TRIM9: variants seen among roughly 807,000 people sequenced by gnomAD.
The protein encoded by TRIM9 is tripartite motif containing 9, also known as E3 ubiquitin-protein ligase TRIM9.
A neutral mutation model predicts 78.3 loss-of-function variants in TRIM9; 26 were observed. That is an observed-to-expected ratio of 0.33 (90% CI 0.24 to 0.46). The LOEUF (loss-of-function observed/expected upper bound fraction) is 0.46. Ranked by LOEUF, TRIM9 falls within the 20% of genes least tolerant of loss-of-function variation. The pLI is 1.00. For missense variants in TRIM9, 787 were observed against 1,036.4 expected, an observed-to-expected ratio of 0.76 and a Z score of 3.30; for synonymous variants, 398 against 416.5, an observed-to-expected ratio of 0.96 and a Z score of 0.54.
At chr14:51,049,232 GT>G (rs1285806469) in intron 1 of TRIM9, among the ~76,000 whole-genome samples, 1 of 151,974 alleles carries the variant, frequency 6.6e-6, no homozygotes, top group Non-Finnish European at 1.5e-5. Flanking sequence ...CGGCTAATTT[GT>G]TTTTGTATTT....
At chr14:51,053,604 T>A (rs1212345418) in intron 1 of TRIM9, among the ~76,000 whole-genome samples, 1 of 146,142 alleles carries the variant, frequency 6.8e-6, no homozygotes, top group Non-Finnish European at 1.5e-5. Context: ...AATTTTTTTT[T>A]TTTTTATTAT....
chr14:51,053,159 C>CA (rs34525509), intron 1 of TRIM9, among the ~76,000 whole-genome samples: 42,082 of 133,326 alleles, frequency 0.32, 6,559 homozygotes, highest in East Asian at 0.6. Context: ...GACCCTGTTT[C>CA]AAAAAAAAAA....
At chr14:51,083,431 A>AT (rs146594547) in intron 1 of TRIM9, among the ~76,000 whole-genome samples, 31,488 of 150,176 alleles carry the variant, frequency 0.21, 3,419 homozygotes, top group Non-Finnish European at 0.24. Context: ...ATTAAAAAAA[A>AT]TTTTTTTTTT....
intron 1 of TRIM9, among the ~76,000 whole-genome samples, chr14:51,041,045 T>C (rs2059544261): frequency 6.6e-6 from 1 of 152,236 alleles, no homozygotes; most frequent in South Asian, 2.1e-4. Context: ...TAGTAATAAC[T>C]GTCAATATTA....
At chr14:51,030,708 T>C (rs2058651220) in intron 1 of TRIM9, among the ~76,000 whole-genome samples, 1 of 152,050 alleles carries the variant, frequency 6.6e-6, no homozygotes, top group Non-Finnish European at 1.5e-5. Context: ...TGTATGTGAT[T>C]GTATGTGAGA....
At chr14:51,039,973 CGG>C (rs1007804705) in intron 1 of TRIM9, among the ~76,000 whole-genome samples, 4 of 152,032 alleles carry the variant, frequency 2.6e-5, no homozygotes, top group African/African-American at 9.7e-5. Flanking sequence ...TTAGTAAACA[CGG>C]GGTTTCACCG....
intron 7 of TRIM9, chr14:50,988,439 A>C (rs2053016021): frequency 6.6e-6 from 1 of 152,142 alleles, no homozygotes; most frequent in Non-Finnish European, 1.5e-5. Flanking sequence ...CGGGATTAGT[A>C]ACTTGGCATT....
chr14:50,998,746 G>C (rs961247929), intron 6 of TRIM9, among the ~76,000 whole-genome samples: 1 of 152,184 alleles, frequency 6.6e-6, no homozygotes, highest in African/African-American at 2.4e-5. Context: ...CAGAGGGAAG[G>C]GGGAGGAAAC....
chr14:51,005,257 A>G (rs1010451499), intron 5 of TRIM9, among the ~76,000 whole-genome samples: 2 of 152,128 alleles, frequency 1.3e-5, no homozygotes, highest in Non-Finnish European at 2.9e-5. Context: ...TTCAGATCAC[A>G]CTGTCCTTGC....
chr14:50,992,024 A>G (rs1368271967), intron 7 of TRIM9, among the ~76,000 whole-genome samples: 1 of 152,222 alleles, frequency 6.6e-6, no homozygotes, highest in East Asian at 1.9e-4. Flanking sequence ...TGTGTAGAGG[A>G]CCTAATAAAC....
chr14:51,006,316 T>G (rs2055791047), intron 5 of TRIM9, among the ~76,000 whole-genome samples: 1 of 152,172 alleles, frequency 6.6e-6, no homozygotes, highest in African/African-American at 2.4e-5. Flanking sequence ...CTTGACATAT[T>G]TTTTACTGAC....
At chr14:51,093,517 G>C (rs34285851) in intron 1 of TRIM9, among the ~76,000 whole-genome samples, 6,755 of 152,326 alleles carry the variant, frequency 0.044, 186 homozygotes, top group Middle Eastern at 0.1. Flanking sequence ...TCTCCGCTCT[G>C]TCTTTTGAGC....
At chr14:51,083,313 G>C (rs1381544655) in intron 1 of TRIM9, among the ~76,000 whole-genome samples, 1 of 152,138 alleles carries the variant, frequency 6.6e-6, no homozygotes, top group Non-Finnish European at 1.5e-5. Context: ...ATGCATTGGT[G>C]TAATCATGGC....
At position 51,012,248 on chromosome 14, in the gene TRIM9, C is replaced by A. The variant is rs1481106967; in HGVS notation, c.1042-1754G>T. On this transcript the variant is annotated intron_variant, in intron 3 of 12. Coordinates refer to ENST00000684578, the MANE Select transcript of TRIM9 (RefSeq NM_001387360.1). ...CATCCCCATTTCCCCTTCCTCCCAG[C>A]CCCTGGCAACCGCCATTCTACTTCC... Among the ~76,000 whole-genome samples the A allele has an allele frequency of 2.0e-5, 3 of 152,322 alleles. No individual in the cohort carries two copies. The East Asian group carries it at 5.8e-4, about 29-fold the overall frequency.
At chr14:51,062,604 G>A (rs1318122021) in intron 1 of TRIM9, among the ~76,000 whole-genome samples, 1 of 152,124 alleles carries the variant, frequency 6.6e-6, no homozygotes, top group Non-Finnish European at 1.5e-5. Flanking sequence ...GGTGGGGGAG[G>A]GATATCAAGG....
intron 11 of TRIM9, among the ~76,000 whole-genome samples, 181 bp from the exon 12 acceptor site, chr14:50,979,730 G>A (rs2051585490): frequency 6.6e-6 from 1 of 152,092 alleles, no homozygotes; most frequent in Admixed American, 6.5e-5. Context: ...ATACCTGTTG[G>A]TACTGTGTGT....
chr14:51,019,456 C>A lies in TRIM9; in HGVS notation c.1041+3379G>T, dbSNP rs2057537702. Among the ~76,000 whole-genome samples, 2 of 152,076 alleles carry A rather than the reference C, an allele frequency of 1.3e-5. 1 individual carries two copies. Among genetic ancestry groups the A allele is most frequent in the Admixed American group, 1.3e-4 (2 of 15,274 alleles). On this transcript the variant is annotated intron_variant, in intron 3 of 12. Coordinates refer to ENST00000684578, the MANE Select transcript of TRIM9 (RefSeq NM_001387360.1). ...TCCACATCTGCATATGTCTCCAAAG[C>A]TTTTTTGCTTTTTTTTAGCTCATCA...
At chr14:51,033,501 A>G (rs982541877) in intron 1 of TRIM9, among the ~76,000 whole-genome samples, 5 of 152,212 alleles carry the variant, frequency 3.3e-5, no homozygotes, top group Non-Finnish European at 5.9e-5. Flanking sequence ...CAATTATTCA[A>G]ACAGTGGGGT....
intron 7 of TRIM9, among the ~76,000 whole-genome samples, chr14:50,992,618 A>C (rs923872668): frequency 6.6e-6 from 1 of 152,090 alleles, no homozygotes; most frequent in Non-Finnish European, 1.5e-5. Context: ...TAAATAAGTA[A>C]TTGCAAAAAG....
Sources: gnomAD v4.1 joint callset for allele counts (sites outside exome capture counted in the v4.1 genomes callset) on GRCh38, gnomAD v4.1.1 for gene constraint, MANE v1.5 for transcripts, NCBI Gene and HGNC (gene_info 2026-07-23, HGNC 2026-07-21) for gene names.